Variants in ELOVL2 observed in about 807,000 individuals in gnomAD.
The protein encoded by ELOVL2 is ELOVL fatty acid elongase 2.
In ELOVL2, 38 loss-of-function variants were observed where a neutral mutation model predicts 37.7. The ratio of observed to expected loss-of-function variants is 1.01; its 90% confidence interval spans 0.78 to 1.32. The LOEUF (loss-of-function observed/expected upper bound fraction) is 1.32, where lower values mean the gene tolerates loss of function less well. Among genes scored for constraint, ELOVL2 ranks in the 40% most tolerant of loss-of-function variants. The probability of loss-of-function intolerance (pLI) is 0.00; values close to 1 mark genes in which losing one functional copy is unlikely to be tolerated. For synonymous variants in ELOVL2, 115 were observed against 122.3 expected (o/e 0.94, Z 0.40); for missense variants, 352 against 363.6 (o/e 0.97, Z 0.26).
In ELOVL2 at chr6:10,989,795, C is replaced by T. The variant is rs6919726; in HGVS notation, c.673G>A (p.Val225Met). 6.4e-4 allele frequency: 1,028 copies of T among 1,614,128 alleles called. 8 individuals are homozygous for T. The African/African-American group carries it at 0.013, about 20-fold the overall frequency. ...CCGAAGGGGAAGCCACACGGTTTCA[C>T]GACGGCGCTCATGGTGTGCGTGATG... ...LTITHTMSAV[V>M]KPCGFPFGCL... Residue 225 changes from valine to methionine, a missense_variant, in exon 7 of 8, where the codon GTG (valine) becomes ATG (methionine). Transcript: ENST00000354666.
intron 1 of ELOVL2, among the ~76,000 whole-genome samples, chr6:11,039,769 G>A (rs3798720): frequency 0.59 from 89,647 of 152,046 alleles, 28,559 homozygotes; most frequent in East Asian, 0.9. Flanking sequence ...CTTTTCTTGA[G>A]TGGATCATTT....
chr6:10,987,040 C>T (rs1414154530), intron 7 of ELOVL2, among the ~76,000 whole-genome samples: 1 of 152,194 alleles, frequency 6.6e-6, no homozygotes, highest in Non-Finnish European at 1.5e-5. Flanking sequence ...TGTTACTGGT[C>T]TATTCAGAGA....
intron 1 of ELOVL2, among the ~76,000 whole-genome samples, chr6:11,025,336 A>G (rs1158832190): frequency 6.6e-6 from 1 of 152,210 alleles, no homozygotes; most frequent in Non-Finnish European, 1.5e-5. Context: ...TAATTTTTTT[A>G]GCTTCATATA....
At chr6:10,984,607 G>A (rs1030609861) in intron 7 of ELOVL2, among the ~76,000 whole-genome samples, 53 of 146,866 alleles carry the variant, frequency 3.6e-4, no homozygotes, top group Non-Finnish European at 3.1e-4. Context: ...GAGAACATGC[G>A]GTGTTTGGTT....
intron 1 of ELOVL2, among the ~76,000 whole-genome samples, chr6:11,042,186 G>A (rs748636810): frequency 1.3e-5 from 2 of 151,950 alleles, no homozygotes; most frequent in Admixed American, 6.6e-5. Context: ...GGTGACGTGC[G>A]CCTGTAATCC....
At chr6:11,015,009 A>C (rs558267749) in intron 1 of ELOVL2, among the ~76,000 whole-genome samples, 2 of 152,384 alleles carry the variant, frequency 1.3e-5, no homozygotes, top group African/African-American at 2.4e-5. Context: ...GTGTATAGCC[A>C]TATAGTAAAT....
chr6:11,023,002 T>C (rs1782788269), intron 1 of ELOVL2, among the ~76,000 whole-genome samples: 1 of 152,258 alleles, frequency 6.6e-6, no homozygotes, highest in Non-Finnish European at 1.5e-5. Context: ...AAAGCTTCAA[T>C]TTCATAATTA....
At chr6:10,996,257 T>C (rs1442658469) in intron 4 of ELOVL2, among the ~76,000 whole-genome samples, 1 of 152,050 alleles carries the variant, frequency 6.6e-6, no homozygotes, top group Middle Eastern at 3.2e-3. Flanking sequence ...ATGAGATAAT[T>C]AACCTTTAGA....
At position 11,038,244 on chromosome 6, in the gene ELOVL2, A is replaced by G. The variant is rs138484401; in HGVS notation, c.3+5984T>C. Among the ~76,000 whole-genome samples the G allele has an allele frequency of 4.2e-3, 647 of 152,318 alleles. 1 individual carries two copies. Among genetic ancestry groups the G allele is most frequent in the Admixed American group, 9.7e-3 (148 of 15,280 alleles). On this transcript the variant is annotated intron_variant, in intron 1 of 7. Coordinates refer to ENST00000354666, the MANE Select transcript of ELOVL2 (RefSeq NM_017770.4). ...ATTGAAAAACATTCAACTGATTAAT[A>G]AATGTAAAATAGTATTATTATACAG...
At chr6:10,994,656 C>T (rs571447463) in intron 5 of ELOVL2, among the ~76,000 whole-genome samples, 11 of 152,236 alleles carry the variant, frequency 7.2e-5, no homozygotes, top group African/African-American at 2.4e-4. Context: ...ATCTGTTTCA[C>T]GGGGAAGTGG....
intron 1 of ELOVL2, among the ~76,000 whole-genome samples, chr6:11,020,109 A>C (rs934585869): frequency 3.3e-5 from 5 of 152,232 alleles, no homozygotes; most frequent in Non-Finnish European, 7.3e-5. Flanking sequence ...AAAATACTAC[A>C]ACTAAAAACT....
intron 7 of ELOVL2, among the ~76,000 whole-genome samples, chr6:10,988,636 T>A (rs1225756898): frequency 6.6e-6 from 1 of 152,230 alleles, no homozygotes; most frequent in Non-Finnish European, 1.5e-5. Context: ...GTAAAGCACT[T>A]CTTATTAGTC....
At chr6:10,990,767 G>A (rs1010095544) in intron 5 of ELOVL2, among the ~76,000 whole-genome samples, 3 of 151,976 alleles carry the variant, frequency 2.0e-5, no homozygotes, top group East Asian at 1.9e-4. Context: ...AGAAATACTA[G>A]CTTAAAGCTG....
intron 4 of ELOVL2, among the ~76,000 whole-genome samples, chr6:10,999,056 T>C (rs1782326753): frequency 6.6e-6 from 1 of 152,180 alleles, no homozygotes; most frequent in African/African-American, 2.4e-5. Flanking sequence ...GCAATACCGA[T>C]GTTATTAACA....
rs1782622567 is a variant in ELOVL2 at position 11,013,712 on chromosome 6, G to A, written c.4-2903C>T. Among the ~76,000 whole-genome samples the A allele has an allele frequency of 2.0e-5, 3 of 152,140 alleles. No individual in the cohort carries two copies. The South Asian group carries it at 6.3e-4, about 32-fold the overall frequency. On this transcript the variant is annotated intron_variant, in intron 1 of 7. Coordinates refer to ENST00000354666, the MANE Select transcript of ELOVL2 (RefSeq NM_017770.4). ...AACTGCCACACGACAGAAGATACAGGCGTGCGGATGCAGGATGGGTTTTTC... is the reference window on the plus strand; with the variant it reads ...AACTGCCACACGACAGAAGATACAGACGTGCGGATGCAGGATGGGTTTTTC...
chr6:10,986,749 G>T (rs1305135361), intron 7 of ELOVL2, among the ~76,000 whole-genome samples: 4 of 152,110 alleles, frequency 2.6e-5, no homozygotes, highest in African/African-American at 4.8e-5. Context: ...GATTCGGTTT[G>T]CCAGTATTTT....
intron 3 of ELOVL2, among the ~76,000 whole-genome samples, chr6:11,004,204 G>A (rs944743477): frequency 2.6e-5 from 4 of 151,894 alleles, no homozygotes; most frequent in Admixed American, 2.0e-4. Context: ...AATATTAATA[G>A]TTATTAAGAA....
chr6:10,991,478 T>C (rs1312301585), intron 5 of ELOVL2, among the ~76,000 whole-genome samples: 2 of 152,216 alleles, frequency 1.3e-5, no homozygotes, highest in Non-Finnish European at 2.9e-5. Flanking sequence ...ATAATAATAA[T>C]AACTAGCTCT....
At chr6:11,005,839 C>G (rs887953740) in intron 2 of ELOVL2, among the ~76,000 whole-genome samples, 3 of 152,114 alleles carry the variant, frequency 2.0e-5, no homozygotes, top group African/African-American at 7.2e-5. Flanking sequence ...TATTTTGGAA[C>G]AGTTACTGCA....
Sources: gnomAD v4.1 joint callset for allele counts (sites outside exome capture counted in the v4.1 genomes callset) on GRCh38, gnomAD v4.1.1 for gene constraint, MANE v1.5 for transcripts, NCBI Gene and HGNC (gene_info 2026-07-23, HGNC 2026-07-21) for gene names.